Variants in ZNF385D observed in about 807,000 individuals in gnomAD.
ZNF385D encodes zinc finger protein 385D.
In ZNF385D, 15 loss-of-function variants were observed where a neutral mutation model predicts 35.8. The ratio of observed to expected loss-of-function variants is 0.42; its 90% CI spans 0.28 to 0.64. ZNF385D has a LOEUF of 0.64. Ranked by LOEUF, ZNF385D falls within the 30% of genes least tolerant of loss-of-function variation. The probability of loss-of-function intolerance (pLI) is 0.23; values close to 1 mark genes in which losing one functional copy is unlikely to be tolerated. For synonymous variants in ZNF385D, 212 were observed against 186.8 expected (o/e 1.13, Z -1.10); for missense variants, 474 against 494.6 (o/e 0.96, Z 0.39).
At chr3:21,583,537 T>TATTA (rs1235478555) in intron 2 of ZNF385D, among the ~76,000 whole-genome samples, 1 of 152,202 alleles carries the variant, frequency 6.6e-6, no homozygotes, top group African/African-American at 2.4e-5. Context: ...ACTGATTTAC[T>TATTA]ATTAGGACTT....
At chr3:21,460,331 G>T (rs144882637) in intron 4 of ZNF385D, among the ~76,000 whole-genome samples, 335 of 152,208 alleles carry the variant, frequency 2.2e-3, no homozygotes, top group Non-Finnish European at 4.1e-3. Context: ...CTAACTCTTT[G>T]TGTGTTTAAC....
intron 3 of ZNF385D, among the ~76,000 whole-genome samples, chr3:22,141,956 A>G (rs1704531112): frequency 6.6e-6 from 1 of 152,192 alleles, no homozygotes; most frequent in Non-Finnish European, 1.5e-5. Flanking sequence ...AATGACTGAC[A>G]TTGCATTTCA....
At chr3:21,480,093 T>C (rs1010829056) in intron 4 of ZNF385D, among the ~76,000 whole-genome samples, 1 of 147,004 alleles carries the variant, frequency 6.8e-6, no homozygotes, top group African/African-American at 2.5e-5. Context: ...ATACAGAGAA[T>C]GTAAGAATTT....
intron 2 of ZNF385D, among the ~76,000 whole-genome samples, chr3:21,598,408 T>C (rs879856406): frequency 1.3e-5 from 2 of 152,224 alleles, no homozygotes; most frequent in Admixed American, 1.3e-4. Flanking sequence ...TTTTAAAACT[T>C]GTTCATTAAA....
intron 2 of ZNF385D, among the ~76,000 whole-genome samples, chr3:22,322,788 T>C (rs557055614): frequency 6.6e-6 from 1 of 152,370 alleles, no homozygotes; most frequent in South Asian, 2.1e-4. Flanking sequence ...ATGTTTTTGT[T>C]TTAAACTCTT....
intron 2 of ZNF385D, among the ~76,000 whole-genome samples, chr3:21,621,891 GT>G (rs2065018680): frequency 6.6e-6 from 1 of 150,456 alleles, no homozygotes; most frequent in Non-Finnish European, 1.5e-5. Flanking sequence ...GTGTGTGTGT[GT>G]GTGCGTGCAC....
intron 4 of ZNF385D, among the ~76,000 whole-genome samples, chr3:21,447,132 T>A (rs1702197358): frequency 6.6e-6 from 1 of 152,142 alleles, no homozygotes. Context: ...ATTGAGTGGG[T>A]CTGGCTATTG....
At chr3:22,207,832 C>A (rs2638127) in intron 2 of ZNF385D, among the ~76,000 whole-genome samples, 1 of 151,590 alleles carries the variant, frequency 6.6e-6, no homozygotes, top group East Asian at 1.9e-4. Flanking sequence ...CAAACAGTGC[C>A]CCATATCATT....
At chr3:22,161,211 A>G (rs182550273) in intron 3 of ZNF385D, among the ~76,000 whole-genome samples, 1 of 152,210 alleles carries the variant, frequency 6.6e-6, no homozygotes, top group East Asian at 1.9e-4. Context: ...AAAAATATAT[A>G]TCATAAAATG....
intron 3 of ZNF385D, among the ~76,000 whole-genome samples, chr3:21,963,517 A>C (rs553874020): frequency 6.6e-6 from 1 of 152,312 alleles, no homozygotes; most frequent in Admixed American, 6.5e-5. Flanking sequence ...CCATATATAA[A>C]ACTTCTGATC....
intron 3 of ZNF385D, among the ~76,000 whole-genome samples, chr3:21,911,765 C>G (rs933599891): frequency 2.6e-5 from 4 of 151,884 alleles, no homozygotes; most frequent in African/African-American, 9.7e-5. Context: ...AGGGATTTTA[C>G]TATGTACCTA....
At chr3:22,124,114 C>T (rs1033888795) in intron 3 of ZNF385D, among the ~76,000 whole-genome samples, 15 of 151,684 alleles carry the variant, frequency 9.9e-5, no homozygotes, top group African/African-American at 3.4e-4. Context: ...TTCTGGTAAC[C>T]GTTATTCTAC....
At chr3:21,496,775 A>T (rs559354464) in intron 4 of ZNF385D, among the ~76,000 whole-genome samples, 3 of 152,074 alleles carry the variant, frequency 2.0e-5, no homozygotes, top group Non-Finnish European at 4.4e-5. Flanking sequence ...GTGACTCATC[A>T]CATAAAGAGA....
chr3:22,232,127 A>G (rs1262778946), intron 2 of ZNF385D, among the ~76,000 whole-genome samples: 1 of 152,098 alleles, frequency 6.6e-6, no homozygotes. Context: ...AAGAATGGAT[A>G]CTCTGGCATG....
chr3:22,220,890 T>G (rs1277771402), intron 2 of ZNF385D, among the ~76,000 whole-genome samples: 1 of 152,212 alleles, frequency 6.6e-6, no homozygotes, highest in Non-Finnish European at 1.5e-5. Context: ...TATGATATAC[T>G]TATATTCCCT....
intron 3 of ZNF385D, among the ~76,000 whole-genome samples, chr3:21,819,078 A>C (rs1559654883): frequency 6.6e-6 from 1 of 152,028 alleles, no homozygotes; most frequent in Non-Finnish European, 1.5e-5. Context: ...TTCTGGAATA[A>C]AAATACATTA....
At chr3:22,014,071 G>A (rs1281072258) in intron 3 of ZNF385D, among the ~76,000 whole-genome samples, 1 of 151,904 alleles carries the variant, frequency 6.6e-6, no homozygotes, top group Non-Finnish European at 1.5e-5. Context: ...AAATCTTTGA[G>A]GAAAATAAAT....
chr3:21,924,665 A>G (rs754794433), intron 3 of ZNF385D, among the ~76,000 whole-genome samples: 59 of 152,254 alleles, frequency 3.9e-4, no homozygotes, highest in Non-Finnish European at 1.5e-4. Flanking sequence ...TGGGACATTC[A>G]TCTCTATCCA....
At chr3:21,959,513 A>G (rs536498219) in intron 3 of ZNF385D, among the ~76,000 whole-genome samples, 13 of 152,298 alleles carry the variant, frequency 8.5e-5, no homozygotes, top group African/African-American at 2.9e-4. Flanking sequence ...TTTCAAATTG[A>G]TATTTTCAGA....
Sources: gnomAD v4.1 joint callset for allele counts (sites outside exome capture counted in the v4.1 genomes callset) on GRCh38, gnomAD v4.1.1 for gene constraint, MANE v1.5 for transcripts, NCBI Gene and HGNC (gene_info 2026-07-23, HGNC 2026-07-21) for gene names.